SLC39A11: variants seen among roughly 807,000 people sequenced by gnomAD.
SLC39A11 encodes solute carrier family 39 member 11.
SLC39A11 carries 33 observed loss-of-function variants against 36.1 expected under a neutral mutation model. That is an observed-to-expected ratio of 0.91 (90% CI 0.69 to 1.22). The LOEUF (loss-of-function observed/expected upper bound fraction) is 1.22. SLC39A11 is among the 50% of genes most tolerant of loss of function. The pLI is 0.00. For synonymous variants in SLC39A11, 166 were observed against 170.3 expected, an observed-to-expected ratio of 0.97 and a Z score of 0.20; for missense variants, 432 against 430.3, an observed-to-expected ratio of 1.00 and a Z score of -0.03.
At chr17:72,912,943 C>T (rs9899319) in intron 5 of SLC39A11, among the ~76,000 whole-genome samples, 77,409 of 151,874 alleles carry the variant, frequency 0.51, 19,746 homozygotes, top group African/African-American at 0.53. Flanking sequence ...ACCCCAAGAG[C>T]TTTCCCCAGA....
chr17:72,851,082 G>A (rs936703352), intron 5 of SLC39A11, among the ~76,000 whole-genome samples: 5 of 152,002 alleles, frequency 3.3e-5, no homozygotes, highest in African/African-American at 1.2e-4. Flanking sequence ...GCAGAGATGG[G>A]AAACCATGCA....
At chr17:72,813,516 A>T (rs989240933) in intron 6 of SLC39A11, among the ~76,000 whole-genome samples, 12 of 152,228 alleles carry the variant, frequency 7.9e-5, no homozygotes, top group Non-Finnish European at 2.9e-5. Context: ...AACTAAGGGC[A>T]AATACATTCA....
chr17:72,685,027 C>A (rs1479145159), intron 7 of SLC39A11, among the ~76,000 whole-genome samples: 1 of 152,204 alleles, frequency 6.6e-6, no homozygotes, highest in African/African-American at 2.4e-5. Context: ...ACAAATGGTG[C>A]TGAGCAGGGA....
At chr17:72,729,443 ATATATATATATATATTTTTT>A (rs2074110085) in intron 7 of SLC39A11, among the ~76,000 whole-genome samples, 6 of 2,308 alleles carry the variant, frequency 2.6e-3, no homozygotes, top group Admixed American at 7.4e-3. Flanking sequence ...ATATATATAT[ATATATATATATATATTTTTT>A]TTTTTTTTTT....
intron 7 of SLC39A11, among the ~76,000 whole-genome samples, chr17:72,681,229 CAT>C (rs2071496686): frequency 6.6e-6 from 1 of 152,136 alleles, no homozygotes; most frequent in Non-Finnish European, 1.5e-5. Context: ...ACCCGGTCTA[CAT>C]GTTTTTGTTT....
At chr17:72,671,329 G>A (rs1056817602) in intron 7 of SLC39A11, among the ~76,000 whole-genome samples, 10 of 152,200 alleles carry the variant, frequency 6.6e-5, no homozygotes, top group African/African-American at 2.4e-4. Flanking sequence ...TCTGTGGCTT[G>A]CCATAGCTGT....
At chr17:72,822,344 A>T (rs1022150176) in intron 6 of SLC39A11, among the ~76,000 whole-genome samples, 5 of 148,302 alleles carry the variant, frequency 3.4e-5, no homozygotes, top group African/African-American at 9.8e-5. Context: ...AGAGAGAAAG[A>T]ATATATATAT....
chr17:72,800,500 G>A lies in SLC39A11; in HGVS notation c.601+49134C>T, dbSNP rs188279439. Among the ~76,000 whole-genome samples the A allele has an allele frequency of 2.5e-4, 38 of 151,898 alleles. No homozygotes were observed. In the East Asian group the frequency reaches 6.0e-3, roughly 24 times the overall value. Reference sequence around the variant, plus strand: ...TAATTTTTGTATTTTTAGTAGAGACGGGGTTTCGCCACGTTGGCCAGGCTG... The same window carrying A: ...TAATTTTTGTATTTTTAGTAGAGACAGGGTTTCGCCACGTTGGCCAGGCTG... On this transcript the variant is annotated intron_variant, in intron 6 of 9. Transcript: ENST00000255559.
At chr17:72,831,015 G>A (rs2567482) in intron 6 of SLC39A11, among the ~76,000 whole-genome samples, 1 of 152,088 alleles carries the variant, frequency 6.6e-6, no homozygotes, top group Non-Finnish European at 1.5e-5. Context: ...GATTTTTGTA[G>A]AAAAATGAGG....
In SLC39A11 at chr17:72,935,749, A is replaced by T. The variant is rs545466773; in HGVS notation, c.430+12003T>A. On this transcript the variant is annotated intron_variant, in intron 5 of 9. Coordinates refer to ENST00000255559, the MANE Select transcript of SLC39A11 (RefSeq NM_139177.4). ...AGGCACGCGCCACCATGCCCAGCTA[A>T]TTTTTTTTGTATTTTCGTAGACACG... is the stretch of plus-strand genomic sequence containing the variant. 1.0e-3 allele frequency among the ~76,000 whole-genome samples: 151 copies of T among 151,688 alleles called. 1 individual carries two copies. The highest frequency in any genetic ancestry group is 3.3e-3 in the African/African-American group (138 of 41,398).
In SLC39A11 at chr17:73,001,194, T is replaced by C. The variant is rs185137631; in HGVS notation, c.306+30362A>G. On this transcript the variant is annotated intron_variant, in intron 4 of 9. Coordinates refer to ENST00000255559, the MANE Select transcript of SLC39A11 (RefSeq NM_139177.4). ...ATCCCGAGCAGTGGTAGCTGCTTTC[T>C]ATAGTTGCTACCTTTGTGATACCTT... is the stretch of plus-strand genomic sequence containing the variant. 2.0e-5 allele frequency among the ~76,000 whole-genome samples: 3 copies of C among 152,246 alleles called. No homozygotes were observed. In the East Asian group the frequency reaches 5.8e-4, roughly 29 times the overall value.
At chr17:72,951,625 G>A (rs914588190) in intron 4 of SLC39A11, among the ~76,000 whole-genome samples, 1 of 152,108 alleles carries the variant, frequency 6.6e-6, no homozygotes, top group African/African-American at 2.4e-5. Flanking sequence ...TAGTGATAAT[G>A]CCAAAAGAAA....
At chr17:73,010,593 CA>C (rs1263254916) in intron 4 of SLC39A11, among the ~76,000 whole-genome samples, 1 of 152,144 alleles carries the variant, frequency 6.6e-6, no homozygotes. Flanking sequence ...TCTAAAGCAA[CA>C]CAGGCAACTT....
At chr17:73,001,367 T>C (rs2089811531) in intron 4 of SLC39A11, among the ~76,000 whole-genome samples, 2 of 129,530 alleles carry the variant, frequency 1.5e-5, no homozygotes, top group South Asian at 2.4e-4. Flanking sequence ...AAAAGTTGTA[T>C]ACACATGGAC....
intron 6 of SLC39A11, among the ~76,000 whole-genome samples, chr17:72,779,399 C>T (rs1445942759): frequency 4.0e-5 from 6 of 151,392 alleles, no homozygotes; most frequent in Non-Finnish European, 7.4e-5. Flanking sequence ...CACTGCAGCC[C>T]GGGTGACAGA....
Position 72,738,150 on chromosome 17 carries a change from G to A in SLC39A11, c.602-1431C>T, listed in dbSNP as rs1471001983. ...CTCCCGAGTAGCTGGGACTACAGGC[G>A]CCCGCTACCACGCCCGTCTAATTTT... On this transcript the variant is annotated intron_variant, in intron 6 of 9. Transcript: ENST00000255559. Among the ~76,000 whole-genome samples the A allele has an allele frequency of 3.3e-5, 5 of 152,104 alleles. No individual in the cohort carries two copies. In the East Asian group the frequency reaches 9.7e-4, roughly 30 times the overall value.
Position 72,646,624 on chromosome 17 carries a change from G to A in SLC39A11, c.*960C>T, listed in dbSNP as rs2069575415. ...ATTATAAGTTACCAAATGGTCAACA[G>A]GGAAGGACCCACAGCAGATTCCAAA... On this transcript the variant is annotated 3_prime_UTR_variant, in exon 10 of 10. Transcript: ENST00000255559. 2.0e-5 allele frequency: 3 copies of A among 152,620 alleles called. No individual in the cohort carries two copies. Among genetic ancestry groups the A allele is most frequent in the African/African-American group, 7.2e-5 (3 of 41,456 alleles). The allele number at this position is 152,620 out of a possible 1,614,324, so 9.5% of individuals were successfully genotyped here.
At chr17:72,665,527 A>T (rs1486140333) in intron 7 of SLC39A11, among the ~76,000 whole-genome samples, 1 of 151,356 alleles carries the variant, frequency 6.6e-6, no homozygotes, top group African/African-American at 2.4e-5. Flanking sequence ...AGACCAAGGC[A>T]TGTGCTACCA....
intron 7 of SLC39A11, among the ~76,000 whole-genome samples, chr17:72,700,425 A>G (rs2072553923): frequency 6.6e-6 from 1 of 152,238 alleles, no homozygotes. Flanking sequence ...ATTTTTATAT[A>G]CAACAGCCAA....
Sources: allele counts gnomAD v4.1 joint callset (sites outside exome capture counted in the v4.1 genomes callset), GRCh38; gene constraint gnomAD v4.1.1; transcripts MANE v1.5; gene names NCBI Gene and HGNC (gene_info 2026-07-23, HGNC 2026-07-21).